FAT3: variants seen among roughly 807,000 people sequenced by gnomAD.
The protein encoded by FAT3 is protocadherin Fat 3.
In FAT3, 95 loss-of-function variants were observed where a neutral mutation model predicts 310.2. The ratio of observed to expected loss-of-function variants is 0.31; its 90% CI spans 0.26 to 0.36. FAT3 has a LOEUF of 0.36. Among genes scored for constraint, FAT3 ranks in the 10% least tolerant of loss-of-function variants. The pLI, the probability that FAT3 is intolerant of heterozygous loss-of-function variation, is 1.00. For synonymous variants in FAT3, 2,314 were observed against 2,192.9 expected (o/e 1.06, Z -1.54); for missense variants, 5,408 against 5,715.6 (o/e 0.95, Z 1.74).
At chr11:92,802,528 C>G (rs1947390112) in intron 10 of FAT3, among the ~76,000 whole-genome samples, 2 of 152,150 alleles carry the variant, frequency 1.3e-5, no homozygotes, top group Non-Finnish European at 2.9e-5. Flanking sequence ...CAAAGTCAGT[C>G]ATTAGGAAGG....
intron 20 of FAT3, among the ~76,000 whole-genome samples, chr11:92,857,689 C>T (rs1949017455): frequency 6.6e-6 from 1 of 152,126 alleles, no homozygotes; most frequent in Admixed American, 6.5e-5. Flanking sequence ...TGTGGCATGG[C>T]CTTTGATGCT....
chr11:92,428,932 C>G (rs946298681), intron 2 of FAT3, among the ~76,000 whole-genome samples: 2 of 152,102 alleles, frequency 1.3e-5, no homozygotes, highest in African/African-American at 2.4e-5. Context: ...CCTGAATATC[C>G]TTGTTAATTT....
At chr11:92,821,465 A>G (rs751869295) in intron 13 of FAT3, among the ~76,000 whole-genome samples, 32 of 152,124 alleles carry the variant, frequency 2.1e-4, no homozygotes, top group Non-Finnish European at 4.4e-4. Flanking sequence ...CCCTTCCCCA[A>G]AGCTGTTATT....
chr11:92,611,070 G>C (rs1248136628), intron 3 of FAT3, among the ~76,000 whole-genome samples: 1 of 152,010 alleles, frequency 6.6e-6, no homozygotes, highest in East Asian at 1.9e-4. Context: ...CCCTAGTTCA[G>C]GGAAAAATGA....
At position 92,354,586 on chromosome 11, in the gene FAT3, A is replaced by G. The variant is rs1948677380; in HGVS notation, c.2474A>G (p.Asn825Ser). ...CTGACCATCAATGTGGAGGATGCTA[A>G]TGACAATAGCCCAGTTTTTATTCAA... is the stretch of plus-strand genomic sequence containing the variant. ...RLLTINVEDA[N>S]DNSPVFIQDS... Residue 825 changes from asparagine to serine, a missense_variant, in exon 2 of 28, where the codon AAT becomes AGT. Asn to Ser is a conservative substitution (Grantham distance 46, BLOSUM62 1). Around this residue, in one of 5 missense-constraint regions of FAT3, gnomAD observed 4,588 missense variants for 4,809.8 expected, o/e 0.95. Coordinates refer to ENST00000525166, the MANE Select transcript of FAT3 (RefSeq NM_001367949.2). The G allele has an allele frequency of 3.7e-6, 6 of 1,613,742 alleles. No homozygotes were observed. In the African/African-American group the frequency reaches 4.0e-5, roughly 11 times the overall value.
chr11:92,260,527 T>C (rs1239947861), intron 1 of FAT3, among the ~76,000 whole-genome samples: 1 of 152,048 alleles, frequency 6.6e-6, no homozygotes, highest in African/African-American at 2.4e-5. Flanking sequence ...AACTCCCACT[T>C]TTAATAGTTC....
intron 3 of FAT3, among the ~76,000 whole-genome samples, chr11:92,651,656 T>C (rs1942383905): frequency 6.6e-6 from 1 of 152,182 alleles, no homozygotes. Context: ...TTTGAAATTG[T>C]ATTCATGATG....
chr11:92,875,085 A>G (rs189000119), intron 22 of FAT3, among the ~76,000 whole-genome samples: 9 of 151,932 alleles, frequency 5.9e-5, no homozygotes, highest in East Asian at 5.9e-4. Flanking sequence ...GATTATAAAT[A>G]ATATTTTGTG....
intron 13 of FAT3, among the ~76,000 whole-genome samples, chr11:92,822,606 G>A (rs550103749): frequency 4.6e-5 from 7 of 152,116 alleles, no homozygotes; most frequent in Non-Finnish European, 1.0e-4. Flanking sequence ...TCATCTGCTC[G>A]TAAGCTCTTT....
chr11:92,272,574 G>A (rs1946154732), intron 1 of FAT3, among the ~76,000 whole-genome samples: 2 of 152,192 alleles, frequency 1.3e-5, no homozygotes, highest in South Asian at 4.1e-4. Flanking sequence ...CAAGCAAAAT[G>A]TGATGGATAT....
At position 92,870,852 on chromosome 11, in the gene FAT3, CT is replaced by C. The variant is rs1399159158; in HGVS notation, c.12127+3645del. ...TATGTGCTTGGTACTGTGATAAGTG[CT>C]TACCTTGAAAGTGCTTATGCCCTGG... On this transcript the variant is annotated intron_variant, in intron 22 of 27. Coordinates refer to ENST00000525166, the MANE Select transcript of FAT3 (RefSeq NM_001367949.2). Among the ~76,000 whole-genome samples the C allele has an allele frequency of 3.3e-5, 5 of 152,294 alleles. No homozygotes were observed. In the East Asian group the frequency reaches 7.7e-4, roughly 24 times the overall value.
intron 17 of FAT3, 81 bp from the exon 18 acceptor site, chr11:92,840,481 G>T (rs556760030): frequency 2.0e-5 from 26 of 1,287,780 alleles, no homozygotes; most frequent in East Asian, 5.1e-5. Flanking sequence ...TGGTATTTTT[G>T]ATTTGTTTTG....
In FAT3 at chr11:92,792,867, A is replaced by C. The variant is rs1947073063; in HGVS notation, c.4712A>C (p.Tyr1571Ser). The C allele has an allele frequency of 1.2e-6, 2 of 1,613,840 alleles. No individual in the cohort carries two copies. The highest frequency in any genetic ancestry group is 8.5e-7 in the Non-Finnish European group (1 of 1,179,794). Residue 1571 changes from tyrosine to serine, a missense_variant, in exon 9 of 28, where the codon TAT (tyrosine) becomes TCT (serine). This residue lies in a region of FAT3 where 4,588 missense variants were observed against 4,809.8 expected (regional missense o/e 0.95). Transcript: ENST00000525166. ...DHSPYFTNPL[Y>S]EASVFESAAL... ...AGTCCTTATTTTACCAACCCACTGTATGAAGCGTCTGTGTTTGAATCTGCT... is the reference window on the plus strand; with the variant it reads ...AGTCCTTATTTTACCAACCCACTGTCTGAAGCGTCTGTGTTTGAATCTGCT...
intron 1 of FAT3, among the ~76,000 whole-genome samples, chr11:92,273,092 T>G (rs1316439931): frequency 1.3e-5 from 2 of 152,114 alleles, no homozygotes; most frequent in African/African-American, 2.4e-5. Flanking sequence ...CAATCCTCTA[T>G]TTTACTTAAA....
At chr11:92,706,093 T>G (rs991239582) in intron 4 of FAT3, among the ~76,000 whole-genome samples, 1 of 150,194 alleles carries the variant, frequency 6.7e-6, no homozygotes, top group Non-Finnish European at 1.5e-5. Context: ...GGAGATGGTG[T>G]TAATGGTGGT....
intron 3 of FAT3, among the ~76,000 whole-genome samples, chr11:92,536,316 A>G (rs1954257516): frequency 6.6e-6 from 1 of 152,204 alleles, no homozygotes; most frequent in African/African-American, 2.4e-5. Context: ...TGCTGTACAT[A>G]GTCATAGTTA....
At chr11:92,811,699 C>T (rs1013977321) in intron 13 of FAT3, among the ~76,000 whole-genome samples, 1 of 152,134 alleles carries the variant, frequency 6.6e-6, no homozygotes, top group African/African-American at 2.4e-5. Context: ...GTACCTTGAT[C>T]TACTCATTTT....
At chr11:92,444,321 C>T (rs1438285362) in intron 2 of FAT3, among the ~76,000 whole-genome samples, 1 of 77,202 alleles carries the variant, frequency 1.3e-5, no homozygotes, top group Non-Finnish European at 2.6e-5. Context: ...TAAGTCACAT[C>T]ATTATGAAGA....
At chr11:92,860,752 A>G (rs1363103604) in intron 21 of FAT3, among the ~76,000 whole-genome samples, 1 of 152,174 alleles carries the variant, frequency 6.6e-6, no homozygotes, top group Non-Finnish European at 1.5e-5. Context: ...AAGGAGAGAA[A>G]TAGAGAACAT....
Sources: gnomAD v4.1 joint callset for allele counts (sites outside exome capture counted in the v4.1 genomes callset) on GRCh38, gnomAD v4.1.1 for gene constraint, gnomAD v4.1.1 regional missense constraint, MANE v1.5 for transcripts, NCBI Gene and HGNC (gene_info 2026-07-23, HGNC 2026-07-21) for gene names.